Variants in TAF15 observed in about 807,000 individuals in gnomAD.
TAF15 encodes TATA-binding protein-associated factor 2N.
In TAF15, 37 loss-of-function variants were observed where a neutral mutation model predicts 102.5. The ratio of observed to expected loss-of-function variants is 0.36; its 90% confidence interval spans 0.28 to 0.47. The LOEUF (loss-of-function observed/expected upper bound fraction) is 0.47. Ranked by LOEUF, TAF15 falls within the 20% of genes least tolerant of loss-of-function variation. The probability of loss-of-function intolerance (pLI) is 0.99; values close to 1 mark genes in which losing one functional copy is unlikely to be tolerated. For missense variants in TAF15, 652 were observed against 760.7 expected (o/e 0.86, Z 1.68); for synonymous variants, 273 against 259.2 (o/e 1.05, Z -0.51).
chr17:35,846,734 G>C (rs1027210305), intron 15 of TAF15, among the ~76,000 whole-genome samples, 172 bp from the exon 16 acceptor site: 13 of 152,168 alleles, frequency 8.5e-5, no homozygotes, highest in South Asian at 4.1e-4. Flanking sequence ...TCTTAAAGCT[G>C]GTAAATTAGA....
In TAF15 at chr17:35,836,224, CAAAT is replaced by C. The variant is rs749939759; in HGVS notation, c.768_771del (p.Ile257GlufsTer13). On this transcript the variant is annotated frameshift_variant, in exon 10 of 16. Coordinates refer to ENST00000605844, the MANE Select transcript of TAF15 (RefSeq NM_139215.3). LOFTEE classifies it high-confidence loss of function. Reference sequence around the variant, plus strand: ...AGATCAAGTTGGGGAGTTCTTTAAACAAATAGGAATTATCAAGGTGAGTAAAAAT... The same window carrying C: ...AGATCAAGTTGGGGAGTTCTTTAAACAGGAATTATCAAGGTGAGTAAAAAT... 1 of 1,607,744 alleles carries C rather than the reference CAAAT, an allele frequency of 6.2e-7. No homozygotes were observed. Among genetic ancestry groups the C allele is most frequent in the Non-Finnish European group, 8.5e-7 (1 of 1,174,488 alleles).
At chr17:35,840,631 T>C (rs1420659757) in intron 11 of TAF15, among the ~76,000 whole-genome samples, 5 of 151,764 alleles carry the variant, frequency 3.3e-5, no homozygotes, top group African/African-American at 1.2e-4. Context: ...TTTGGGAGGC[T>C]GAGGCAGGTG....
chr17:35,846,779 G>A (rs2087627992), intron 15 of TAF15, 127 bp from the exon 16 acceptor site: 1 of 928,098 alleles, frequency 1.1e-6, no homozygotes, highest in African/African-American at 1.6e-5. Context: ...AGAAATAAAT[G>A]AGGCATGGTG....
In TAF15 at chr17:35,812,048, G is replaced by T. The variant is rs563616937; in HGVS notation, c.7+2472G>T. Reference sequence around the variant, plus strand: ...TGGGTTTTATTGCTCAAGTAACTGTGTAGGGACCAGAGATAAAACGTACGG... The same window carrying T: ...TGGGTTTTATTGCTCAAGTAACTGTTTAGGGACCAGAGATAAAACGTACGG... On this transcript the variant is annotated intron_variant, in intron 1 of 15. Transcript: ENST00000605844. 3.3e-5 allele frequency among the ~76,000 whole-genome samples: 5 copies of T among 152,316 alleles called. No homozygotes were observed. In the South Asian group the frequency reaches 1.0e-3, roughly 32 times the overall value.
In TAF15 at chr17:35,834,059, T is replaced by G; in HGVS notation, c.640+118T>G. On this transcript the variant is annotated intron_variant, in intron 8 of 15. Coordinates refer to ENST00000605844, the MANE Select transcript of TAF15 (RefSeq NM_139215.3). ...TTACTCTGTTGAGGCTGGTGTGTGTTGTGTGCTTTAAAAAAAATTTTATAT... is the reference window on the plus strand; with the variant it reads ...TTACTCTGTTGAGGCTGGTGTGTGTGGTGTGCTTTAAAAAAAATTTTATAT... 4 of 937,144 alleles carry G rather than the reference T, an allele frequency of 4.3e-6. No individual in the cohort carries two copies. The South Asian group carries it at 7.1e-5, about 17-fold the overall frequency. The allele number at this position is 937,144 out of a possible 1,614,324, so 58.1% of individuals were successfully genotyped here. A position where few individuals can be genotyped will look rare whatever the true frequency, so the allele number is the denominator to read the frequency against.
In TAF15 at chr17:35,822,749, A is replaced by T. The variant is rs954155077; in HGVS notation, c.400A>T (p.Asn134Tyr). ...TCAAGGCTCATATGATGAGCAGTCA[A>T]ATTATGATCAGCAGCATGATTCCTA... is the stretch of plus-strand genomic sequence containing the variant. ...QHQGSYDEQS[N>Y]YDQQHDSYSQ... Residue 134 changes from asparagine to tyrosine, a missense_variant, in exon 6 of 16, where the codon AAT (asparagine) becomes TAT (tyrosine). Physicochemically the swap from Asn to Tyr is moderately radical, Grantham distance 143. Around this residue, in one of 3 missense-constraint regions of TAF15, gnomAD observed 243 missense variants for 284.1 expected, o/e 0.86. Transcript: ENST00000605844. 1 of 1,614,190 alleles carries T rather than the reference A, an allele frequency of 6.2e-7. No individual in the cohort carries two copies. Among genetic ancestry groups the T allele is most frequent in the African/African-American group, 1.3e-5 (1 of 75,056 alleles).
intron 7 of TAF15, among the ~76,000 whole-genome samples, chr17:35,825,953 C>CA (rs5820126): frequency 1.0e-3 from 146 of 141,516 alleles, no homozygotes; most frequent in African/African-American, 1.8e-3. Flanking sequence ...GACTTCGTCT[C>CA]AAAAAAAAAA....
intron 1 of TAF15, among the ~76,000 whole-genome samples, chr17:35,813,984 C>T (rs1238091879): frequency 1.4e-5 from 2 of 146,084 alleles, no homozygotes; most frequent in Non-Finnish European, 3.0e-5. Context: ...TTTCTTTTTT[C>T]TGTTTTTTTT....
At chr17:35,822,566 A>G in intron 5 of TAF15, 74 bp from the exon 6 acceptor site, 5 of 1,426,174 alleles carry the variant, frequency 3.5e-6, no homozygotes, top group South Asian at 1.2e-5. Flanking sequence ...GACTCTTAAC[A>G]TCAGTTTCAG....
Position 35,844,629 on chromosome 17 carries a change from G to C in TAF15, c.1330G>C (p.Gly444Arg). The change falls in exon 15 of 16, where the codon GGC (glycine) becomes CGC (arginine). Residue 444 changes from glycine to arginine, a missense_variant. Coordinates refer to ENST00000605844, the MANE Select transcript of TAF15 (RefSeq NM_139215.3). ...GGGYSGDRSG[G>R]GYGGDRSGGG... ...TGGCTACAGCGGAGATAGAAGTGGG[G>C]GCGGCTATGGTGGAGACAGAAGTGG... 3 of 1,605,508 alleles carry C rather than the reference G, an allele frequency of 1.9e-6. No homozygotes were observed. Among genetic ancestry groups the C allele is most frequent in the Non-Finnish European group, 2.6e-6 (3 of 1,175,022 alleles).
At chr17:35,837,776 G>A (rs560980776) in intron 10 of TAF15, among the ~76,000 whole-genome samples, 7 of 151,948 alleles carry the variant, frequency 4.6e-5, no homozygotes, top group Admixed American at 2.0e-4. Context: ...GCAGTGAGCC[G>A]AGATTGTGCC....
Position 35,842,458 on chromosome 17 carries a change from A to C in TAF15, c.1005A>C (p.Arg335=). 1 of 1,612,856 alleles carries C rather than the reference A, an allele frequency of 6.2e-7. No individual in the cohort carries two copies. Among genetic ancestry groups the C allele is most frequent in the Non-Finnish European group, 8.5e-7 (1 of 1,178,924 alleles). ...GAGGTGGAAGTGGAGGTGGGCGGCG[A>C]GGTAAGATCCTTGCTGCGTACAGTC... ...MRGGGSGGGR[R]GRGGYRGRGG... The change falls in exon 12 of 16, where the codon CGA becomes CGC. Residue 335 remains arginine, a splice_region_variant and synonymous_variant. Coordinates refer to ENST00000605844, the MANE Select transcript of TAF15 (RefSeq NM_139215.3).
At chr17:35,812,914 G>T (rs1568239527) in intron 1 of TAF15, among the ~76,000 whole-genome samples, 1 of 152,010 alleles carries the variant, frequency 6.6e-6, no homozygotes, top group Non-Finnish European at 1.5e-5. Flanking sequence ...GATCACCTGA[G>T]GTCAGAAGTT....
At position 35,826,456 on chromosome 17, in the gene TAF15, C is replaced by T. The variant is rs1032532775; in HGVS notation, c.605+2258C>T. On this transcript the variant is annotated intron_variant, in intron 7 of 15. Coordinates refer to ENST00000605844, the MANE Select transcript of TAF15 (RefSeq NM_139215.3). Reference sequence around the variant, plus strand: ...TTCTATTGTAACTATTCATCTCTGCCCTTGGAGCACCAGAGCAGCCGTAAT... The same window carrying T: ...TTCTATTGTAACTATTCATCTCTGCTCTTGGAGCACCAGAGCAGCCGTAAT... Among the ~76,000 whole-genome samples, 9 of 152,028 alleles carry T rather than the reference C, an allele frequency of 5.9e-5. 1 individual carries two copies. The highest frequency in any genetic ancestry group is 1.2e-4 in the African/African-American group (5 of 41,352).
chr17:35,834,107 A>G (rs1043710535), intron 8 of TAF15, among the ~76,000 whole-genome samples, 166 bp downstream of exon 8: 2 of 151,852 alleles, frequency 1.3e-5, no homozygotes, highest in Non-Finnish European at 2.9e-5. Flanking sequence ...ACATATATAT[A>G]TCAAAGTAAA....
chr17:35,843,909 C>T (rs912353852), intron 12 of TAF15, among the ~76,000 whole-genome samples, 168 bp from the exon 13 acceptor site: 2 of 152,196 alleles, frequency 1.3e-5, no homozygotes, highest in Admixed American at 1.3e-4. Flanking sequence ...CCTCTGTTTA[C>T]TAAGTACAAG....
rs747456807 is a variant in TAF15, at chr17:35,820,055, G to A, written c.79G>A (p.Gly27Ser). Residue 27 changes from glycine (G) to serine (S), a missense_variant, in exon 3 of 16, where the codon GGC becomes AGC. By Grantham distance (56) the Gly-to-Ser change is moderately conservative (BLOSUM62 0). Around this residue, in one of 3 missense-constraint regions of TAF15, gnomAD observed 243 missense variants for 284.1 expected, o/e 0.86. Coordinates refer to ENST00000605844, the MANE Select transcript of TAF15 (RefSeq NM_139215.3). The stretch of plus-strand genomic sequence containing the variant: ...TACCTATGGAAATCCAGGCAGCCAA[G>A]GCTATGGACAAGCATCACAAGTAGG... The part of the protein sequence containing the change: ...YSTYGNPGSQ[G>S]YGQASQSYSG... 1 of 1,613,920 alleles carries A rather than the reference G, an allele frequency of 6.2e-7. No individual in the cohort carries two copies. The highest frequency in any genetic ancestry group is 8.5e-7 in the Non-Finnish European group (1 of 1,179,950).
chr17:35,818,466 G>A (rs1243501299), intron 2 of TAF15: 1 of 152,114 alleles, frequency 6.6e-6, no homozygotes, highest in Non-Finnish European at 1.5e-5. Context: ...CCTTGGTATT[G>A]TAAAGTTTAT....
At chr17:35,816,156 A>C (rs1298334474) in intron 1 of TAF15, among the ~76,000 whole-genome samples, 1 of 152,078 alleles carries the variant, frequency 6.6e-6, no homozygotes, top group East Asian at 1.9e-4. Flanking sequence ...CATTAAACAA[A>C]ATCTTGTTCG....
Sources: gnomAD v4.1 joint callset for allele counts (sites outside exome capture counted in the v4.1 genomes callset) on GRCh38, gnomAD v4.1.1 for gene constraint, gnomAD v4.1.1 regional missense constraint, MANE v1.5 for transcripts, NCBI Gene and HGNC (gene_info 2026-07-23, HGNC 2026-07-21) for gene names.